FAM24B: variants seen among roughly 807,000 people sequenced by gnomAD.
The protein encoded by FAM24B is family with sequence similarity 24 member B.
In FAM24B, 3 loss-of-function variants were observed where a neutral mutation model predicts 2.3. The ratio of observed to expected loss-of-function variants is 1.29; its 90% CI spans 0.59 to 3.32. The LOEUF is 3.32. Ranked by LOEUF, FAM24B falls within the 30% of genes most tolerant of loss-of-function variation. The pLI is 0.03. For synonymous variants in FAM24B, 36 were observed against 46.3 expected (o/e 0.78, Z 0.90); for missense variants, 98 against 117.2 (o/e 0.84, Z 0.76).
intron 1 of FAM24B, among the ~76,000 whole-genome samples, chr10:122,870,913 A>G (rs1304777954): frequency 6.6e-6 from 1 of 152,192 alleles, no homozygotes; most frequent in Admixed American, 6.5e-5. Flanking sequence ...CCTATTCAAC[A>G]TAGTGTTGGA....
chr10:122,863,403 G>A (rs1418314367), intron 1 of FAM24B, among the ~76,000 whole-genome samples: 1 of 152,214 alleles, frequency 6.6e-6, no homozygotes, highest in African/African-American at 2.4e-5. Context: ...ACAGCTAGCA[G>A]GGAAAAGGGC....
intron 3 of FAM24B, 67 bp from the exon 4 acceptor site, chr10:122,849,506 T>C: frequency 2.1e-6 from 3 of 1,443,808 alleles, no homozygotes; most frequent in Non-Finnish European, 1.9e-6. Context: ...GTTAGAACTG[T>C]TGGGGGGTAT....
chr10:122,866,349 GTTT>G (rs1002551467), intron 1 of FAM24B, among the ~76,000 whole-genome samples: 1 of 151,758 alleles, frequency 6.6e-6, no homozygotes, highest in Non-Finnish European at 1.5e-5. Flanking sequence ...GATTTCATTG[GTTT>G]TTTCTTTGTC....
intron 1 of FAM24B, among the ~76,000 whole-genome samples, chr10:122,876,046 C>A (rs980320248): frequency 6.6e-6 from 1 of 152,250 alleles, no homozygotes; most frequent in Non-Finnish European, 1.5e-5. Flanking sequence ...AGCATGTCAA[C>A]ATGTAAGACC....
intron 1 of FAM24B, among the ~76,000 whole-genome samples, chr10:122,878,004 G>C (rs1360451742): frequency 6.6e-6 from 1 of 152,160 alleles, no homozygotes; most frequent in African/African-American, 2.4e-5. Flanking sequence ...GAATTATTTG[G>C]TAAAGCTCCA....
chr10:122,874,719 G>A (rs1355653086), intron 1 of FAM24B, among the ~76,000 whole-genome samples: 3 of 151,994 alleles, frequency 2.0e-5, no homozygotes, highest in African/African-American at 4.8e-5. Context: ...TACAGACTAA[G>A]CTTGTCCAAC....
At chr10:122,871,695 C>G (rs923305655) in intron 1 of FAM24B, among the ~76,000 whole-genome samples, 4 of 152,070 alleles carry the variant, frequency 2.6e-5, no homozygotes, top group African/African-American at 9.7e-5. Context: ...GAAAGGATTC[C>G]CTATTTAATA....
Position 122,850,442 on chromosome 10 carries a change from T to C in FAM24B, c.74A>G (p.Lys25Arg), listed in dbSNP as rs569876569. The change falls in exon 3 of 4, where the codon AAA (lysine) becomes AGA (arginine). Residue 25 changes from lysine to arginine, a missense_variant. Physicochemically the swap from Lys to Arg is conservative, Grantham distance 26 (BLOSUM62 2). Transcript: ENST00000368898. The stretch of plus-strand genomic sequence containing the variant: ...GACTCACTTTAGCGCGTTGTGTATT[T>C]TGAAGTAAAGACAGAGCACGACAAC... ...LIVVVLCLYF[K>R]IHNALKAAKE... 2.2e-5 allele frequency: 35 copies of C among 1,613,988 alleles called. No homozygotes were observed. In the African/African-American group the frequency reaches 3.5e-4, roughly 16 times the overall value.
intron 1 of FAM24B, among the ~76,000 whole-genome samples, chr10:122,868,394 C>G (rs1038689803): frequency 1.6e-4 from 25 of 152,292 alleles, no homozygotes; most frequent in Non-Finnish European, 3.1e-4. Flanking sequence ...CCCAATCTAG[C>G]AAGGCAGGCC....
At position 122,849,370 on chromosome 10, in the gene FAM24B, G is replaced by A. The variant is rs999085270; in HGVS notation, c.162C>T (p.Asn54=). 1.2e-6 allele frequency: 2 copies of A among 1,613,298 alleles called. No homozygotes were observed. The highest frequency in any genetic ancestry group is 1.7e-5 in the Admixed American group (1 of 59,912). The part of the protein sequence containing the change: ...HNPDKVWWAK[N]SQAKTIATES... ...CCGTGGCAATGGTTTTGGCCTGGCT[G>A]TTCTTGGCCCACCACACCTTGTCTG... The change falls in exon 4 of 4, where the codon AAC becomes AAT. Residue 54 remains asparagine (N), a synonymous_variant. Coordinates refer to ENST00000368898, the MANE Select transcript of FAM24B (RefSeq NM_152644.3).
At chr10:122,859,269 A>G (rs559719088) in intron 1 of FAM24B, among the ~76,000 whole-genome samples, 70 of 152,336 alleles carry the variant, frequency 4.6e-4, no homozygotes, top group African/African-American at 1.5e-3. Flanking sequence ...GAGTTGTGGG[A>G]TAATCTGTTG....
intron 1 of FAM24B, among the ~76,000 whole-genome samples, chr10:122,877,535 CAGGAATAAT>C (rs1566271306): frequency 6.6e-6 from 1 of 152,138 alleles, no homozygotes; most frequent in Admixed American, 6.5e-5. Flanking sequence ...GTGTTATCTG[CAGGAATAAT>C]TGGGGAAGTT....
chr10:122,877,773 T>G (rs915488307), intron 1 of FAM24B, among the ~76,000 whole-genome samples: 1 of 152,218 alleles, frequency 6.6e-6, no homozygotes, highest in Non-Finnish European at 1.5e-5. Flanking sequence ...ACTGTCATAA[T>G]TTTCTCACTA....
At chr10:122,858,244 T>C (rs1847669281) in intron 1 of FAM24B, among the ~76,000 whole-genome samples, 1 of 152,158 alleles carries the variant, frequency 6.6e-6, no homozygotes, top group Non-Finnish European at 1.5e-5. Flanking sequence ...TGAATTCATG[T>C]CCTTTGTAGG....
chr10:122,856,508 T>TG (rs1336729338), intron 1 of FAM24B, among the ~76,000 whole-genome samples: 1 of 152,114 alleles, frequency 6.6e-6, no homozygotes, highest in African/African-American at 2.4e-5. Context: ...AGGGGCAGCC[T>TG]GGGGGAGGTC....
At chr10:122,860,700 T>C (rs954996038) in intron 1 of FAM24B, among the ~76,000 whole-genome samples, 4 of 152,244 alleles carry the variant, frequency 2.6e-5, no homozygotes, top group Non-Finnish European at 5.9e-5. Flanking sequence ...AGGACTTTTT[T>C]GTTTGCTTGC....
chr10:122,862,071 C>T (rs1377444528), intron 1 of FAM24B, among the ~76,000 whole-genome samples: 2 of 152,214 alleles, frequency 1.3e-5, no homozygotes, highest in African/African-American at 4.8e-5. Flanking sequence ...CTTCCTGCCT[C>T]AAGGCCTTAG....
chr10:122,851,037 A>C (rs1206086929), intron 2 of FAM24B, among the ~76,000 whole-genome samples: 1 of 152,216 alleles, frequency 6.6e-6, no homozygotes, highest in African/African-American at 2.4e-5. Flanking sequence ...ATGCAAATCC[A>C]TTTTGTAAAT....
At chr10:122,851,268 T>A (rs999400330) in intron 2 of FAM24B, among the ~76,000 whole-genome samples, 14 of 151,758 alleles carry the variant, frequency 9.2e-5, no homozygotes, top group African/African-American at 3.4e-4. Context: ...AAGCCAACAG[T>A]AAAAAAAAAT....
Sources: gnomAD v4.1 joint callset for allele counts (sites outside exome capture counted in the v4.1 genomes callset) on GRCh38, gnomAD v4.1.1 for gene constraint, MANE v1.5 for transcripts, NCBI Gene and HGNC (gene_info 2026-07-23, HGNC 2026-07-21) for gene names.